Variants in ANGPT1 observed in about 807,000 individuals in gnomAD.
The protein encoded by ANGPT1 is angiopoietin-1.
In ANGPT1, 17 loss-of-function variants were observed where a neutral mutation model predicts 62.2. The observed-to-expected ratio is 0.27, with a 90% CI of 0.19 to 0.41. The LOEUF (loss-of-function observed/expected upper bound fraction) is 0.41. Among genes scored for constraint, ANGPT1 ranks in the 10% least tolerant of loss-of-function variants. The pLI is 1.00. For synonymous variants in ANGPT1, 199 were observed against 198.9 expected (o/e 1.00, Z 0.00); for missense variants, 478 against 594.9 (o/e 0.80, Z 2.04).
At chr8:107,281,096 A>T (rs753013840) in intron 7 of ANGPT1, among the ~76,000 whole-genome samples, 1 of 152,084 alleles carries the variant, frequency 6.6e-6, no homozygotes, top group Non-Finnish European at 1.5e-5. Flanking sequence ...AATTATTTGG[A>T]GTTTCCTTAG....
chr8:107,295,100 G>A (rs1020322681), intron 5 of ANGPT1: 1 of 152,178 alleles, frequency 6.6e-6, no homozygotes. Flanking sequence ...AAAAGCAGTG[G>A]CAAGAAATGT....
Position 107,497,466 on chromosome 8 carries a change from T to C in ANGPT1, c.93A>G (p.Arg31=). The part of the protein sequence containing the change: ...NQRRSPENSG[R]RYNRIQHGQC... ...GCCCATGTTGAATCCGGTTATATCT[T>C]CTCCCACTGTTTTCTGGACTTCGGC... Residue 31 remains arginine, a synonymous_variant, in exon 1 of 9, where the codon AGA becomes AGG. Transcript: ENST00000517746. The C allele has an allele frequency of 6.2e-7, 1 of 1,614,132 alleles. No individual in the cohort carries two copies. Among genetic ancestry groups the C allele is most frequent in the South Asian group, 1.1e-5 (1 of 91,078 alleles).
intron 1 of ANGPT1, among the ~76,000 whole-genome samples, chr8:107,477,632 T>C (rs1812566494): frequency 6.6e-6 from 1 of 152,118 alleles, no homozygotes; most frequent in African/African-American, 2.4e-5. Context: ...ACTTCATTAA[T>C]CTCTCTCTCA....
chr8:107,357,387 G>A (rs1816068887), intron 1 of ANGPT1, among the ~76,000 whole-genome samples: 1 of 152,072 alleles, frequency 6.6e-6, no homozygotes, highest in African/African-American at 2.4e-5. Context: ...TTGCAAACAT[G>A]TCTCCCTTTA....
chr8:107,447,327 TCTTTCCAACTCATTATTCCCTCTATGGTA>T (rs1360848891), intron 1 of ANGPT1, among the ~76,000 whole-genome samples: 1 of 152,214 alleles, frequency 6.6e-6, no homozygotes, highest in Admixed American at 6.5e-5. Context: ...CAGATTAGAT[TCTTTCCAACTCATTATTCCCTCTATGGTA>T]CAGAATTATG....
intron 1 of ANGPT1, among the ~76,000 whole-genome samples, chr8:107,441,485 T>C (rs13265214): frequency 0.12 from 18,115 of 152,156 alleles, 1,464 homozygotes; most frequent in East Asian, 0.44. Flanking sequence ...ACAGAATTTG[T>C]TGTTGTTCAC....
At chr8:107,405,685 C>T (rs1308350197) in intron 1 of ANGPT1, among the ~76,000 whole-genome samples, 1 of 151,960 alleles carries the variant, frequency 6.6e-6, no homozygotes, top group East Asian at 1.9e-4. Flanking sequence ...ATCTGAAACG[C>T]TCCTGGTCCC....
At chr8:107,263,221 G>A (rs1257233095) in intron 8 of ANGPT1, among the ~76,000 whole-genome samples, 1 of 151,818 alleles carries the variant, frequency 6.6e-6, no homozygotes, top group African/African-American at 2.4e-5. Flanking sequence ...GGGCGTGGTG[G>A]TGGGCACCTG....
intron 5 of ANGPT1, chr8:107,295,568 G>T (rs1814392936): frequency 6.6e-6 from 1 of 152,022 alleles, no homozygotes; most frequent in African/African-American, 2.4e-5. Context: ...AGGAGACAGA[G>T]TTCACAATTT....
chr8:107,332,090 G>C (rs910804026), intron 3 of ANGPT1, among the ~76,000 whole-genome samples: 3 of 152,158 alleles, frequency 2.0e-5, no homozygotes, highest in African/African-American at 7.2e-5. Flanking sequence ...GAAGGAAACT[G>C]CATTAGGACA....
intron 1 of ANGPT1, among the ~76,000 whole-genome samples, chr8:107,479,044 G>A (rs941566574): frequency 6.6e-6 from 1 of 151,918 alleles, no homozygotes; most frequent in Non-Finnish European, 1.5e-5. Flanking sequence ...AGAGGGTCCC[G>A]GATTGGAGTG....
chr8:107,441,337 C>G (rs1324956371), intron 1 of ANGPT1, among the ~76,000 whole-genome samples: 1 of 152,150 alleles, frequency 6.6e-6, no homozygotes, highest in African/African-American at 2.4e-5. Flanking sequence ...TCATGCAAAG[C>G]AATCATAATA....
chr8:107,489,793 C>T lies in ANGPT1; in HGVS notation c.297+7469G>A, dbSNP rs796148026. ...ATGGAGATGCCCTCCCTCCCTCAGACCATGGGGCCAAAACCAAAGGGGGTT... is the reference window on the plus strand; with the variant it reads ...ATGGAGATGCCCTCCCTCCCTCAGATCATGGGGCCAAAACCAAAGGGGGTT... On this transcript the variant is annotated intron_variant, in intron 1 of 8. Transcript: ENST00000517746. Among the ~76,000 whole-genome samples, 10 of 152,230 alleles carry T rather than the reference C, an allele frequency of 6.6e-5. 1 individual carries two copies. Among genetic ancestry groups the T allele is most frequent in the African/African-American group, 2.2e-4 (9 of 41,534 alleles).
chr8:107,357,857 G>T (rs1290194427), intron 1 of ANGPT1, among the ~76,000 whole-genome samples: 2 of 152,102 alleles, frequency 1.3e-5, no homozygotes, highest in African/African-American at 2.4e-5. Context: ...GTATGAAATT[G>T]GAAGGTATTA....
intron 8 of ANGPT1, among the ~76,000 whole-genome samples, chr8:107,260,137 A>C (rs947395656): frequency 3.3e-5 from 5 of 152,174 alleles, no homozygotes; most frequent in Non-Finnish European, 4.4e-5. Flanking sequence ...ACAAAGATCA[A>C]GTCCTACCTT....
rs1234233507 is a variant in ANGPT1 at position 107,252,143 on chromosome 8, C to G, written c.1337-128G>C. 4 of 940,604 alleles carry G rather than the reference C, an allele frequency of 4.3e-6. No homozygotes were observed. In the South Asian group the frequency reaches 6.8e-5, roughly 16 times the overall value. The allele number at this position is 940,604 out of a possible 1,614,324, so 58.3% of individuals were successfully genotyped here. On this transcript the variant is annotated intron_variant, in intron 8 of 8. Transcript: ENST00000517746. ...TTCTTGTTATGCTTATTTGCAATTA[C>G]GAGGCATCAGTAAATATATTCCCAG...
chr8:107,373,862 A>T (rs931808732), intron 1 of ANGPT1, among the ~76,000 whole-genome samples: 1 of 152,202 alleles, frequency 6.6e-6, no homozygotes, highest in African/African-American at 2.4e-5. Context: ...TTTTTAAATG[A>T]CCTCTCATTA....
chr8:107,471,026 C>T (rs1044942969), intron 1 of ANGPT1, among the ~76,000 whole-genome samples: 2 of 152,088 alleles, frequency 1.3e-5, no homozygotes, highest in African/African-American at 4.8e-5. Context: ...TACTATTTGA[C>T]CCAGCAATTC....
At chr8:107,421,579 A>G (rs1181826080) in intron 1 of ANGPT1, among the ~76,000 whole-genome samples, 1 of 152,154 alleles carries the variant, frequency 6.6e-6, no homozygotes, top group Non-Finnish European at 1.5e-5. Context: ...CTTCCCCATC[A>G]CAAGTATACA....
Sources: allele counts gnomAD v4.1 joint callset (sites outside exome capture counted in the v4.1 genomes callset), GRCh38; gene constraint gnomAD v4.1.1; transcripts MANE v1.5; gene names NCBI Gene and HGNC (gene_info 2026-07-23, HGNC 2026-07-21).